Variants in PDE4D observed in about 807,000 individuals in gnomAD.
PDE4D encodes the protein phosphodiesterase 4D.
In PDE4D, 24 loss-of-function variants were observed where a neutral mutation model predicts 87.4. The observed-to-expected ratio is 0.27, with a 90% confidence interval of 0.20 to 0.39. The LOEUF (loss-of-function observed/expected upper bound fraction) is 0.39, where lower values mean the gene tolerates loss of function less well. PDE4D is among the 10% of genes least tolerant of loss of function. The pLI is 1.00. For missense variants in PDE4D, 714 were observed against 1,041.0 expected (o/e 0.69, Z 4.32); for synonymous variants, 384 against 383.2 (o/e 1.00, Z -0.02).
chr5:59,337,322 T>A lies in PDE4D; in HGVS notation c.456-121354A>T, dbSNP rs533183699. Among the ~76,000 whole-genome samples the A allele has an allele frequency of 5.9e-5, 8 of 136,104 alleles. No individual in the cohort carries two copies. The South Asian group carries it at 7.6e-4, about 13-fold the overall frequency. 89.3% of individuals were successfully genotyped at this position (136,104 alleles called of 152,430 possible). ...GGTATAAGTGAAAGGCATTCATAAG[T>A]TCCCCCCCCCCCACCTTTTTTTTTT... On this transcript the variant is annotated intron_variant, in intron 1 of 14. Transcript: ENST00000340635.
chr5:59,068,944 G>A (rs1764330831), intron 5 of PDE4D, among the ~76,000 whole-genome samples: 1 of 152,142 alleles, frequency 6.6e-6, no homozygotes, highest in Admixed American at 6.5e-5. Flanking sequence ...TTTTCACACT[G>A]AAGGGAACAT....
intron 12 of PDE4D, 49 bp from the exon 13 acceptor site, chr5:58,976,521 C>T (rs189050720): frequency 7.3e-7 from 1 of 1,367,930 alleles, no homozygotes; most frequent in African/African-American, 1.5e-5. Context: ...AGAATTTACA[C>T]ATGAAAATAT....
chr5:59,682,214 C>T (rs915679739), intron 1 of PDE4D, among the ~76,000 whole-genome samples: 5 of 152,174 alleles, frequency 3.3e-5, no homozygotes, highest in African/African-American at 4.8e-5. Flanking sequence ...GGAATAACAG[C>T]ATATTTACAT....
At chr5:59,229,273 T>G (rs10461659) in intron 1 of PDE4D, among the ~76,000 whole-genome samples, 1 of 152,040 alleles carries the variant, frequency 6.6e-6, no homozygotes, top group African/African-American at 2.4e-5. Flanking sequence ...CAGCGGTACT[T>G]TTTCTATACC....
intron 5 of PDE4D, among the ~76,000 whole-genome samples, chr5:59,113,032 C>T (rs942306996): frequency 6.6e-6 from 1 of 152,016 alleles, no homozygotes; most frequent in African/African-American, 2.4e-5. Context: ...AACTCCCAAC[C>T]TCAGGTGATC....
At chr5:59,715,168 T>C (rs1211026603) in intron 1 of PDE4D, among the ~76,000 whole-genome samples, 1 of 152,254 alleles carries the variant, frequency 6.6e-6, no homozygotes, top group Non-Finnish European at 1.5e-5. Context: ...GATGTGTTCA[T>C]TGATAACAAC....
chr5:59,767,764 G>A (rs1489716985), intron 1 of PDE4D, among the ~76,000 whole-genome samples: 1 of 152,064 alleles, frequency 6.6e-6, no homozygotes, highest in African/African-American at 2.4e-5. Flanking sequence ...GTGAGGAAGG[G>A]CTTTATGAAG....
chr5:59,193,964 G>A (rs906597896), intron 2 of PDE4D, among the ~76,000 whole-genome samples: 6 of 152,224 alleles, frequency 3.9e-5, no homozygotes, highest in African/African-American at 1.4e-4. Flanking sequence ...AGCATGGAGT[G>A]TTCCACATCA....
chr5:60,458,227 G>A (rs1032217829), intron 1 of PDE4D, among the ~76,000 whole-genome samples: 2 of 151,566 alleles, frequency 1.3e-5, no homozygotes, highest in African/African-American at 4.8e-5. Flanking sequence ...TCTACTAAAA[G>A]TACAAAAAAA....
At chr5:60,313,863 AG>A (rs1303737823) in intron 1 of PDE4D, among the ~76,000 whole-genome samples, 1 of 152,224 alleles carries the variant, frequency 6.6e-6, no homozygotes, top group African/African-American at 2.4e-5. Context: ...TTGATAGATG[AG>A]GAAAAAGCTT....
chr5:60,489,990 A>C (rs1383060471), upstream of PDE4D: 2 of 152,050 alleles, frequency 1.3e-5, no homozygotes, highest in Non-Finnish European at 2.9e-5. Context: ...TCCGAAGAAA[A>C]CCCTTACTGT....
intron 1 of PDE4D, among the ~76,000 whole-genome samples, chr5:59,723,452 G>T (rs1756144586): frequency 6.6e-6 from 1 of 152,100 alleles, no homozygotes; most frequent in Non-Finnish European, 1.5e-5. Flanking sequence ...AAGAAATACG[G>T]ACTATTGTTA....
chr5:60,310,722 C>G (rs1478938464), intron 1 of PDE4D, among the ~76,000 whole-genome samples: 1 of 152,260 alleles, frequency 6.6e-6, no homozygotes, highest in East Asian at 1.9e-4. Context: ...CGCTCTTGCT[C>G]TACTTCTGAC....
intron 3 of PDE4D, among the ~76,000 whole-genome samples, chr5:59,949,636 G>A (rs1561899555): frequency 6.6e-6 from 1 of 151,868 alleles, no homozygotes; most frequent in African/African-American, 2.4e-5. Context: ...AAATCTTTAC[G>A]ATATGGATTA....
chr5:59,149,533 AAC>A (rs1207565982), intron 5 of PDE4D, among the ~76,000 whole-genome samples: 2 of 152,146 alleles, frequency 1.3e-5, no homozygotes, highest in African/African-American at 2.4e-5. Flanking sequence ...CCTAAGGACA[AAC>A]AGCGGTTGTA....
At chr5:60,447,005 A>G (rs1015641150) in intron 1 of PDE4D, among the ~76,000 whole-genome samples, 14 of 152,136 alleles carry the variant, frequency 9.2e-5, no homozygotes, top group African/African-American at 3.4e-4. Context: ...GATTGAAACA[A>G]GAAGGAAAAC....
intron 1 of PDE4D, among the ~76,000 whole-genome samples, chr5:59,855,880 T>A (rs1480278257): frequency 6.6e-6 from 1 of 152,168 alleles, no homozygotes; most frequent in South Asian, 2.1e-4. Flanking sequence ...GAGTCAAGTA[T>A]TCTACGATAT....
At chr5:59,360,508 C>T (rs755486599) in intron 1 of PDE4D, among the ~76,000 whole-genome samples, 5 of 152,086 alleles carry the variant, frequency 3.3e-5, no homozygotes, top group Admixed American at 6.6e-5. Context: ...TGATACATTG[C>T]AAAAGAGTGT....
intron 3 of PDE4D, among the ~76,000 whole-genome samples, chr5:59,983,806 A>G (rs1762150633): frequency 6.6e-6 from 1 of 152,142 alleles, no homozygotes; most frequent in South Asian, 2.1e-4. Flanking sequence ...CAGTAATGAA[A>G]ATAAATATTT....
Sources: allele counts gnomAD v4.1 joint callset (sites outside exome capture counted in the v4.1 genomes callset), GRCh38; gene constraint gnomAD v4.1.1; transcripts MANE v1.5; gene names NCBI Gene and HGNC (gene_info 2026-07-23, HGNC 2026-07-21).